SLC8A1: variants seen among roughly 807,000 people sequenced by gnomAD.
The protein encoded by SLC8A1 is sodium/calcium exchanger 1.
SLC8A1 carries 18 observed loss-of-function variants against 68.3 expected under a neutral mutation model. The observed-to-expected ratio is 0.26, with a 90% CI of 0.18 to 0.39. The LOEUF is 0.39. Among genes scored for constraint, SLC8A1 ranks in the 10% least tolerant of loss-of-function variants. SLC8A1 has a pLI of 1.00. For synonymous variants in SLC8A1, 475 were observed against 415.5 expected (o/e 1.14, Z -1.74); for missense variants, 985 against 1,156.7 (o/e 0.85, Z 2.15).
At chr2:40,321,372 G>C (rs2075167717) in intron 2 of SLC8A1, among the ~76,000 whole-genome samples, 1 of 152,018 alleles carries the variant, frequency 6.6e-6, no homozygotes, top group Non-Finnish European at 1.5e-5. Context: ...TTTCAGAAAA[G>C]AAACTAAACC....
At position 40,175,999 on chromosome 2, in the gene SLC8A1, T is replaced by C. The variant is rs1021756433; in HGVS notation, c.1913-1157A>G. ...AACCAGAATCCTTCTAGTGGACATA[T>C]CATCCCAGGAAACTGACAGGGCATT... On this transcript the variant is annotated intron_variant, in intron 3 of 7. Transcript: ENST00000406785. The C allele has an allele frequency of 6.7e-6, 3 of 447,630 alleles. 1 individual carries two copies. Among genetic ancestry groups the C allele is most frequent in the African/African-American group, 2.0e-5 (1 of 49,484 alleles). The allele number at this position is 447,630 out of a possible 1,614,324, so 27.7% of individuals were successfully genotyped here.
intron 1 of SLC8A1, among the ~76,000 whole-genome samples, chr2:40,509,437 A>ATT (rs367549288): frequency 0.015 from 1,690 of 113,692 alleles, 50 homozygotes; most frequent in African/African-American, 0.046. Context: ...GGGATTTGGA[A>ATT]TTTTTTTTTT....
chr2:40,489,183 T>A (rs991093690), intron 1 of SLC8A1, among the ~76,000 whole-genome samples: 2 of 152,118 alleles, frequency 1.3e-5, no homozygotes, highest in Non-Finnish European at 2.9e-5. Flanking sequence ...GAAACCTGCC[T>A]AAGGTGACAC....
chr2:40,278,014 T>C (rs1418943896), intron 2 of SLC8A1, among the ~76,000 whole-genome samples: 1 of 151,956 alleles, frequency 6.6e-6, no homozygotes, highest in Non-Finnish European at 1.5e-5. Context: ...AACTAGGATT[T>C]GACCAGGTTA....
At chr2:40,339,835 C>T (rs1667134303) in intron 2 of SLC8A1, among the ~76,000 whole-genome samples, 1 of 152,172 alleles carries the variant, frequency 6.6e-6, no homozygotes, top group Non-Finnish European at 1.5e-5. Context: ...CTATAAAAAT[C>T]ATGAACATAT....
intron 2 of SLC8A1, among the ~76,000 whole-genome samples, chr2:40,412,946 C>T (rs1692632355): frequency 6.6e-6 from 1 of 151,982 alleles, no homozygotes; most frequent in African/African-American, 2.4e-5. Flanking sequence ...TACATGTGCA[C>T]AACGTGCAGG....
At chr2:40,149,044 G>A (rs534702827) in intron 6 of SLC8A1, among the ~76,000 whole-genome samples, 1 of 152,170 alleles carries the variant, frequency 6.6e-6, no homozygotes, top group Non-Finnish European at 1.5e-5. Context: ...TTGTCAATAA[G>A]TCAGTGGCCT....
At chr2:40,495,865 T>C (rs929598712) in intron 1 of SLC8A1, among the ~76,000 whole-genome samples, 2 of 152,066 alleles carry the variant, frequency 1.3e-5, no homozygotes, top group Admixed American at 6.6e-5. Flanking sequence ...TCTTTATTGA[T>C]AGGATTAGGC....
Position 40,375,237 on chromosome 2 carries a change from G to A in SLC8A1, c.1808+53236C>T, listed in dbSNP as rs115223819. On this transcript the variant is annotated intron_variant, in intron 2 of 7. Coordinates refer to ENST00000406785, the Ensembl canonical transcript of SLC8A1. ...AACAAACAAAAAATAGAAACCCTAA[G>A]AACAGCATAAACACAGATATTAGTA... Among the ~76,000 whole-genome samples, 932 of 152,094 alleles carry A rather than the reference G, an allele frequency of 6.1e-3. 9 individuals are homozygous for A. Among genetic ancestry groups the A allele is most frequent in the South Asian group, 0.041 (197 of 4,822 alleles).
At chr2:40,345,486 C>G (rs1247280883) in intron 2 of SLC8A1, among the ~76,000 whole-genome samples, 1 of 152,024 alleles carries the variant, frequency 6.6e-6, no homozygotes, top group Non-Finnish European at 1.5e-5. Flanking sequence ...CCATTAAGAA[C>G]ATGAAAGACT....
intron 2 of SLC8A1, among the ~76,000 whole-genome samples, chr2:40,254,076 T>G (rs1275258276): frequency 2.0e-5 from 3 of 152,314 alleles, no homozygotes; most frequent in African/African-American, 7.2e-5. Flanking sequence ...TGACGGATAT[T>G]CTAATTACCC....
chr2:40,175,357 G>A lies in SLC8A1; in HGVS notation c.1913-515C>T. The stretch of plus-strand genomic sequence containing the variant: ...AATGAAAGTAAGAGGAATATCAGCA[G>A]AAAGAAATCCAGGCAGATCTGATTA... On this transcript the variant is annotated intron_variant, in intron 3 of 7. Coordinates refer to ENST00000406785, the Ensembl canonical transcript of SLC8A1. 5 of 1,462,482 alleles carry A rather than the reference G, an allele frequency of 3.4e-6. No homozygotes were observed. In the South Asian group the frequency reaches 5.9e-5, roughly 17 times the overall value. The allele number at this position is 1,462,482 out of a possible 1,614,324, so 90.6% of individuals were successfully genotyped here. A position where few individuals can be genotyped will look rare whatever the true frequency, so the allele number is the denominator to read the frequency against.
intron 2 of SLC8A1, among the ~76,000 whole-genome samples, chr2:40,412,342 C>T (rs527902334): frequency 1.1e-4 from 17 of 151,974 alleles, no homozygotes; most frequent in Non-Finnish European, 2.4e-4. Context: ...TTCTCCTTCC[C>T]GAGAATACAA....
intron 2 of SLC8A1, among the ~76,000 whole-genome samples, chr2:40,340,289 G>A (rs13417257): frequency 0.14 from 20,866 of 152,128 alleles, 2,135 homozygotes; most frequent in African/African-American, 0.28. Flanking sequence ...GGCCAGGTGC[G>A]GTGGCTCATG....
chr2:40,192,798 A>AATT (rs1432256769), intron 2 of SLC8A1, among the ~76,000 whole-genome samples: 1 of 152,110 alleles, frequency 6.6e-6, no homozygotes, highest in African/African-American at 2.4e-5. Context: ...TAATAGATTT[A>AATT]ATTAAATTGC....
chr2:40,400,842 G>T (rs55882197), intron 2 of SLC8A1, among the ~76,000 whole-genome samples: 3,347 of 152,278 alleles, frequency 0.022, 130 homozygotes, highest in African/African-American at 0.075. Context: ...GGCATAGGGA[G>T]CACTGCCCAG....
At chr2:40,424,772 G>A (rs1395894649) in intron 2 of SLC8A1, among the ~76,000 whole-genome samples, 8 of 151,686 alleles carry the variant, frequency 5.3e-5, no homozygotes, top group African/African-American at 1.7e-4. Context: ...AATACTAAAC[G>A]CTCATAATCT....
intron 2 of SLC8A1, among the ~76,000 whole-genome samples, chr2:40,188,734 G>A (rs1371400556): frequency 6.6e-6 from 1 of 152,184 alleles, no homozygotes; most frequent in Non-Finnish European, 1.5e-5. Context: ...ACCAGGAAAT[G>A]AGCTGGGCTT....
At chr2:40,403,533 G>A (rs997662646) in intron 2 of SLC8A1, among the ~76,000 whole-genome samples, 1 of 152,160 alleles carries the variant, frequency 6.6e-6, no homozygotes, top group Admixed American at 6.5e-5. Flanking sequence ...TTCCCTGCAG[G>A]AGTAAATTCA....
Sources: gnomAD v4.1 joint callset for allele counts (sites outside exome capture counted in the v4.1 genomes callset) on GRCh38, gnomAD v4.1.1 for gene constraint, MANE v1.5 for transcripts, NCBI Gene and HGNC (gene_info 2026-07-23, HGNC 2026-07-21) for gene names.